The following PLPBP variants were observed in gnomAD, a reference collection of about 807,000 sequenced individuals.
PLPBP encodes the protein pyridoxal phosphate binding protein.
PLPBP carries 21 observed loss-of-function variants against 31.2 expected under a neutral mutation model. That is an observed-to-expected ratio of 0.67 (90% CI 0.48 to 0.97). PLPBP has a LOEUF of 0.97. Ranked by LOEUF, PLPBP falls within the 50% of genes least tolerant of loss-of-function variation. PLPBP has a pLI of 0.00. For missense variants in PLPBP, 308 were observed against 354.4 expected (o/e 0.87, Z 1.05); for synonymous variants, 124 against 135.6 (o/e 0.91, Z 0.59).
At chr8:37,776,595 TAAG>T (rs1398170760) in intron 7 of PLPBP, among the ~76,000 whole-genome samples, 2 of 147,548 alleles carry the variant, frequency 1.4e-5, no homozygotes, top group Non-Finnish European at 3.0e-5. Flanking sequence ...CTAAAGGAAA[TAAG>T]AAATTAATTA....
At chr8:37,773,521 T>C (rs1803828629) in intron 5 of PLPBP, among the ~76,000 whole-genome samples, 2 of 142,592 alleles carry the variant, frequency 1.4e-5, no homozygotes, top group South Asian at 4.4e-4. Context: ...CAGGCTGGAG[T>C]GCAGTGGCAC....
chr8:37,765,623 G>C lies in PLPBP; in HGVS notation c.197G>C (p.Gly66Ala), dbSNP rs1180782695. 2 of 1,614,114 alleles carry C rather than the reference G, an allele frequency of 1.2e-6. No individual in the cohort carries two copies. The highest frequency in any genetic ancestry group is 1.7e-6 in the Non-Finnish European group (2 of 1,180,040). The change falls in exon 2 of 8, where the codon GGC becomes GCC. Residue 66 changes from glycine (G) to alanine (A), a missense_variant. By Grantham distance (60) the Gly-to-Ala change is moderately conservative. This residue lies in a region of PLPBP where 120 missense variants were observed against 95.1 expected (regional missense o/e 1.26). Transcript: ENST00000328195. ...EAYGHGQRTFGENYVQELLEK... is the reference protein window; with the variant it reads ...EAYGHGQRTFAENYVQELLEK... ...TATGGACATGGGCAGCGCACTTTTG[G>C]CGAGAACTACGTAAGAGCCCTTTCC...
chr8:37,763,381 C>A (rs1346907858), intron 1 of PLPBP, among the ~76,000 whole-genome samples: 1 of 152,188 alleles, frequency 6.6e-6, no homozygotes, highest in African/African-American at 2.4e-5. Context: ...ATCTGCCCAC[C>A]TCAGTGCAAG....
chr8:37,773,261 G>A (rs1269910109), intron 5 of PLPBP, among the ~76,000 whole-genome samples: 3 of 151,756 alleles, frequency 2.0e-5, no homozygotes, highest in East Asian at 1.9e-4. Context: ...TCCGCCTCCC[G>A]GGTTGAAGCA....
intron 5 of PLPBP, among the ~76,000 whole-genome samples, chr8:37,774,460 T>C (rs1031611622): frequency 2.6e-5 from 4 of 152,220 alleles, no homozygotes; most frequent in African/African-American, 9.6e-5. Context: ...TGGTTAGGAC[T>C]GAATATGATA....
chr8:37,778,214 G>T lies in PLPBP; in HGVS notation c.*110G>T. On this transcript the variant is annotated 3_prime_UTR_variant, in exon 8 of 8. Transcript: ENST00000328195. ...CCTGTGACCTGTGGAGAGCACTAATGATCACGTGTGTTGATGGAAACCATC... is the reference window on the plus strand; with the variant it reads ...CCTGTGACCTGTGGAGAGCACTAATTATCACGTGTGTTGATGGAAACCATC... 7.5e-7 allele frequency: 1 copy of T among 1,341,536 alleles called. No individual in the cohort carries two copies. The highest frequency in any genetic ancestry group is 1.0e-6 in the Non-Finnish European group (1 of 985,926). The allele number at this position is 1,341,536 out of a possible 1,614,324, so 83.1% of individuals were successfully genotyped here. A position where few individuals can be genotyped will look rare whatever the true frequency, so the allele number is the denominator to read the frequency against.
intron 5 of PLPBP, among the ~76,000 whole-genome samples, chr8:37,774,144 A>T (rs1317876857): frequency 6.6e-6 from 1 of 152,074 alleles, no homozygotes; most frequent in South Asian, 2.1e-4. Context: ...CCAGGAGGTG[A>T]ATATTGCAGT....
chr8:37,765,335 C>T (rs1803594736), intron 1 of PLPBP, among the ~76,000 whole-genome samples, 191 bp from the exon 2 acceptor site: 1 of 152,186 alleles, frequency 6.6e-6, no homozygotes, highest in Non-Finnish European at 1.5e-5. Context: ...ATTGAGATGC[C>T]ATGCGCCTAA....
At chr8:37,776,303 C>A (rs2129813154) in intron 7 of PLPBP, among the ~76,000 whole-genome samples, 1 of 151,758 alleles carries the variant, frequency 6.6e-6, no homozygotes, top group African/African-American at 2.4e-5. Context: ...TGGTGAAACC[C>A]CGTCTCTCCT....
At chr8:37,766,570 C>G in intron 4 of PLPBP, 1 of 1,177,860 alleles carries the variant, frequency 8.5e-7, no homozygotes, top group Non-Finnish European at 1.1e-6. Flanking sequence ...ACTTGGAAAC[C>G]TACCCAACCT....
chr8:37,777,594 A>T (rs909258047), intron 7 of PLPBP, among the ~76,000 whole-genome samples: 1 of 151,436 alleles, frequency 6.6e-6, no homozygotes, highest in Non-Finnish European at 1.5e-5. Flanking sequence ...TTTTTTTGAG[A>T]TGGAGTTTCG....
rs7460808 is a variant in PLPBP, at chr8:37,770,398, A to G, written c.320-2357A>G. The stretch of plus-strand genomic sequence containing the variant: ...TGGGAAAAGGACAATCTCTTCAATA[A>G]GTGCTGCTGGGAAAACTAGATATCC... On this transcript the variant is annotated intron_variant, in intron 4 of 7. Transcript: ENST00000328195. Among the ~76,000 whole-genome samples the G allele has an allele frequency of 2.4e-3, 373 of 152,364 alleles. 1 individual carries two copies. The highest frequency in any genetic ancestry group is 4.6e-3 in the South Asian group (22 of 4,826).
In PLPBP at chr8:37,768,465, C is replaced by CTTTTTT. The variant is rs903134254; in HGVS notation, c.319+2130_319+2135dup. ...GGTATCTCCTTACAGTTTTGATTTT[C>CTTTTTT]TTTTTTTTTTTTTTTTTTTTTTTTT... On this transcript the variant is annotated intron_variant, in intron 4 of 7. Transcript: ENST00000328195. Among the ~76,000 whole-genome samples the CTTTTTT allele has an allele frequency of 2.7e-3, 204 of 76,818 alleles. 1 individual carries two copies. The highest frequency in any genetic ancestry group is 3.5e-3 in the Non-Finnish European group (144 of 41,696). 50.4% of individuals were successfully genotyped at this position (76,818 alleles called of 152,430 possible). A position where few individuals can be genotyped will look rare whatever the true frequency, so the allele number is the denominator to read the frequency against.
At position 37,779,176 on chromosome 8, in the gene PLPBP, G is replaced by A. The variant is rs1319558331; in HGVS notation, c.*1072G>A. ...TTTCTGACATCATCCTGAAGAGACA[G>A]GACTTTGCGTTTTTCCTCTGGGACC... is the stretch of plus-strand genomic sequence containing the variant. On this transcript the variant is annotated 3_prime_UTR_variant, in exon 8 of 8. Transcript: ENST00000328195. 3 of 152,188 alleles carry A rather than the reference G, an allele frequency of 2.0e-5. No individual in the cohort carries two copies. Among genetic ancestry groups the A allele is most frequent in the Admixed American group, 1.3e-4 (2 of 15,282 alleles). 9.4% of individuals were successfully genotyped at this position (152,188 alleles called of 1,614,324 possible).
intron 7 of PLPBP, among the ~76,000 whole-genome samples, chr8:37,776,478 CAAAAAAAAAAAAAAA>C (rs915875297): frequency 9.4e-5 from 1 of 10,634 alleles, no homozygotes; most frequent in South Asian, 4.9e-3. Context: ...GACTCCATCT[CAAAAAAAAAAAAAAA>C]AAAAAAAAAA....
intron 1 of PLPBP, 152 bp from the exon 2 acceptor site, chr8:37,765,374 T>A: frequency 1.4e-6 from 1 of 698,394 alleles, no homozygotes; most frequent in Non-Finnish European, 2.5e-6. Flanking sequence ...CACCACTATT[T>A]GATATTGATC....
chr8:37,777,399 T>C (rs1236189387), intron 7 of PLPBP, among the ~76,000 whole-genome samples: 2 of 152,148 alleles, frequency 1.3e-5, no homozygotes, highest in African/African-American at 4.8e-5. Context: ...GGACGTCTAA[T>C]GTCCTTGACC....
At position 37,778,557 on chromosome 8, in the gene PLPBP, T is replaced by C. The variant is rs993867721; in HGVS notation, c.*453T>C. Reference sequence around the variant, plus strand: ...ATTGCTGCTCTGGAATAAGGTGATTTCTGCCCCCAGATTCTTCCCTAGCCG... The same window carrying C: ...ATTGCTGCTCTGGAATAAGGTGATTCCTGCCCCCAGATTCTTCCCTAGCCG... On this transcript the variant is annotated 3_prime_UTR_variant, in exon 8 of 8. Coordinates refer to ENST00000328195, the MANE Select transcript of PLPBP (RefSeq NM_007198.4). The C allele has an allele frequency of 6.5e-6, 1 of 153,534 alleles. No individual in the cohort carries two copies. Among genetic ancestry groups the C allele is most frequent in the Non-Finnish European group, 1.4e-5 (1 of 68,980 alleles). 9.5% of individuals were successfully genotyped at this position (153,534 alleles called of 1,614,324 possible). A position where few individuals can be genotyped will look rare whatever the true frequency, so the allele number is the denominator to read the frequency against.
At chr8:37,766,475 T>C (rs917144733) in intron 4 of PLPBP, 120 bp downstream of exon 4, 1 of 1,352,706 alleles carries the variant, frequency 7.4e-7, no homozygotes, top group African/African-American at 1.5e-5. Flanking sequence ...TTTTGGAATT[T>C]CTTTAGGAAA....
Sources: allele counts gnomAD v4.1 joint callset (sites outside exome capture counted in the v4.1 genomes callset), GRCh38; gene constraint gnomAD v4.1.1; regional missense constraint gnomAD v4.1.1; transcripts MANE v1.5; gene names NCBI Gene and HGNC (gene_info 2026-07-23, HGNC 2026-07-21).